Variants in RASL10A observed in about 807,000 individuals in gnomAD.
The protein encoded by RASL10A is ras-like protein family member 10A.
Under a neutral mutation model 17.3 loss-of-function variants are expected in RASL10A, and 13 were observed. That is an observed-to-expected ratio of 0.75 (90% CI 0.49 to 1.20). RASL10A has a LOEUF of 1.20. RASL10A is among the 50% of genes most tolerant of loss of function. The pLI, the probability that RASL10A is intolerant of heterozygous loss-of-function variation, is 0.00. For missense variants in RASL10A, 307 were observed against 310.3 expected (o/e 0.99, Z 0.08); for synonymous variants, 159 against 142.2 (o/e 1.12, Z -0.84).
chr22:29,313,130 A>T lies in RASL10A; in HGVS notation c.*171T>A. 1.1e-6 allele frequency: 1 copy of T among 879,922 alleles called. No homozygotes were observed. Among genetic ancestry groups the T allele is most frequent in the Non-Finnish European group, 1.6e-6 (1 of 625,878 alleles). The allele number at this position is 879,922 out of a possible 1,614,324, so 54.5% of individuals were successfully genotyped here. On this transcript the variant is annotated 3_prime_UTR_variant, in exon 3 of 3. Coordinates refer to ENST00000216101, the MANE Select transcript of RASL10A (RefSeq NM_006477.5). ...GCTTGGGACCTGGTTGGGTCCAATG[A>T]GGTTCAAAAGGGGGCCAGTCGCTTA...
In RASL10A at chr22:29,313,461, C is replaced by T. The variant is rs999425665; in HGVS notation, c.452G>A (p.Gly151Asp). 2 of 1,545,400 alleles carry T rather than the reference C, an allele frequency of 1.3e-6. No individual in the cohort carries two copies. Among genetic ancestry groups the T allele is most frequent in the Non-Finnish European group, 1.7e-6 (2 of 1,150,938 alleles). ...GCACTCGAGGTAGCCGCAGCGCCAG[C>T]CCCTGCGCACTAGGGCGGCCAGCGC... ...RRALAALVRR[G>D]WRCGYLECSA... is the part of the protein sequence containing the mutation. Residue 151 changes from glycine to aspartate, a missense_variant, in exon 3 of 3, where the codon GGC becomes GAC. Coordinates refer to ENST00000216101, the MANE Select transcript of RASL10A (RefSeq NM_006477.5).
chr22:29,314,033 TC>T, intron 1 of RASL10A, 46 bp from the exon 2 acceptor site: 1 of 1,605,126 alleles, frequency 6.2e-7, no homozygotes, highest in Non-Finnish European at 8.5e-7. Flanking sequence ...TTTCCACTCT[TC>T]CGCTCTCGAA....
At position 29,313,334 on chromosome 22, in the gene RASL10A, C is replaced by T. The variant is rs778414358; in HGVS notation, c.579G>A (p.Gly193=). The stretch of plus-strand genomic sequence containing the variant: ...GGCTGCAGCGCGCGGGATGCAGCGC[C>T]CCCTGCAGGCGCAGGGCCGGGTGTG... ...RPAHPALRLQ[G]ALHPARCSLM is the part of the protein sequence containing the mutation. Residue 193 remains glycine (G), a synonymous_variant, in exon 3 of 3, where the codon GGG becomes GGA. Coordinates refer to ENST00000216101, the MANE Select transcript of RASL10A (RefSeq NM_006477.5). 5.2e-6 allele frequency: 8 copies of T among 1,534,318 alleles called. No homozygotes were observed. The highest frequency in any genetic ancestry group is 1.4e-5 in the African/African-American group (1 of 72,482).
chr22:29,318,612 G>A (rs1010799372), upstream of RASL10A, among the ~76,000 whole-genome samples: 5 of 152,308 alleles, frequency 3.3e-5, no homozygotes, highest in East Asian at 1.9e-4. Flanking sequence ...AGGCTGGGGG[G>A]CTGAAGCTGC....
chr22:29,316,298 G>A (rs1440761134), upstream of RASL10A, among the ~76,000 whole-genome samples: 2 of 152,188 alleles, frequency 1.3e-5, no homozygotes, highest in African/African-American at 4.8e-5. Flanking sequence ...TCCTGCCCAC[G>A]GGGGTAAATG....
chr22:29,314,884 G>T (rs151207001), intron 1 of RASL10A, 144 bp downstream of exon 1: 2 of 704,934 alleles, frequency 2.8e-6, no homozygotes, highest in South Asian at 2.4e-5. Flanking sequence ...GGGCTGAAAC[G>T]CAAGTATCCC....
intron 2 of RASL10A, 24 bp downstream of exon 2, chr22:29,313,839 C>T (rs2061436393): frequency 1.9e-6 from 3 of 1,611,494 alleles, no homozygotes; most frequent in Non-Finnish European, 2.5e-6. Context: ...TAGCTCCCCA[C>T]CGCCAGAACT....
At chr22:29,319,715 A>G (rs2061467236), upstream of RASL10A, 1 of 152,284 alleles carries the variant, frequency 6.6e-6, no homozygotes, top group Non-Finnish European at 1.5e-5. Context: ...GGCTGGGTGC[A>G]GTGGCTCACG....
upstream of RASL10A, among the ~76,000 whole-genome samples, chr22:29,317,620 A>G (rs2061460019): frequency 6.6e-6 from 1 of 152,186 alleles, no homozygotes; most frequent in South Asian, 2.1e-4. Flanking sequence ...CAAGGAGTAA[A>G]TAACAAGGCA....
At position 29,313,567 on chromosome 22, in the gene RASL10A, G is replaced by C. The variant is rs2061433739; in HGVS notation, c.346C>G (p.Pro116Ala). 6.5e-7 allele frequency: 1 copy of C among 1,532,528 alleles called. No individual in the cohort carries two copies. Among genetic ancestry groups the C allele is most frequent in the African/African-American group, 1.4e-5 (1 of 72,312 alleles). 94.9% of individuals were successfully genotyped at this position (1,532,528 alleles called of 1,614,324 possible). The change falls in exon 3 of 3, where the codon CCG (proline) becomes GCG (alanine). Residue 116 changes from proline (P) to alanine (A), a missense_variant and splice_region_variant. Pro to Ala is a conservative substitution (Grantham distance 27). Coordinates refer to ENST00000216101, the MANE Select transcript of RASL10A (RefSeq NM_006477.5). Reference sequence around the variant, plus strand: ...ATGGGCGCTTCGGGCGCGCCCGCCGGCCTGGGGGCCGAATGGAGATGAGAG... The same window carrying C: ...ATGGGCGCTTCGGGCGCGCCCGCCGCCCTGGGGGCCGAATGGAGATGAGAG... ...ALRQRIAETR[P>A]AGAPEAPILV...
upstream of RASL10A, among the ~76,000 whole-genome samples, chr22:29,318,584 G>C (rs2061463592): frequency 6.6e-6 from 1 of 152,192 alleles, no homozygotes; most frequent in African/African-American, 2.4e-5. Flanking sequence ...CCCTGTGCCA[G>C]GCTTCCTAAA....
chr22:29,313,415 G>C lies in RASL10A; in HGVS notation c.498C>G (p.His166Gln), dbSNP rs1354837363. 5.2e-6 allele frequency: 8 copies of C among 1,541,730 alleles called. No homozygotes were observed. The highest frequency in any genetic ancestry group is 7.0e-6 in the Non-Finnish European group (8 of 1,146,646). Residue 166 changes from histidine to glutamine, a missense_variant, in exon 3 of 3, where the codon CAC (histidine) becomes CAG (glutamine). His to Gln is a conservative substitution (Grantham distance 24). Coordinates refer to ENST00000216101, the MANE Select transcript of RASL10A (RefSeq NM_006477.5). The stretch of plus-strand genomic sequence containing the variant: ...GCAGCTCGCGGAAGAGACGCAGCAC[G>C]TGCCAGTTGTACTTGGCGGAGCACT... ...YLECSAKYNWHVLRLFRELLR... is the reference protein window; with the variant it reads ...YLECSAKYNWQVLRLFRELLR...
chr22:29,313,491 C>A lies in RASL10A; in HGVS notation c.422G>T (p.Arg141Leu). 6.4e-7 allele frequency: 1 copy of A among 1,560,218 alleles called. No homozygotes were observed. The change falls in exon 3 of 3, where the codon CGG becomes CTG. Residue 141 changes from arginine (R) to leucine (L), a missense_variant. Transcript: ENST00000216101. ...RDRQRLRFGP[R>L]RALAALVRRG... is the part of the protein sequence containing the mutation. ...GCGCACTAGGGCGGCCAGCGCGCGC[C>A]GCGGTCCGAAGCGCAGCCGCTGCCT... is the stretch of plus-strand genomic sequence containing the variant.
At chr22:29,314,784 G>A (rs2061442994) in intron 1 of RASL10A, among the ~76,000 whole-genome samples, 2 of 152,060 alleles carry the variant, frequency 1.3e-5, no homozygotes, top group South Asian at 4.1e-4. Flanking sequence ...GGCAGGCAAA[G>A]GTGGAGGCGC....
rs1167201248 is a variant in RASL10A, at chr22:29,315,002, C to A, written c.219+26G>T. The stretch of plus-strand genomic sequence containing the variant: ...CGCACACCCCTCACACTGTCACACG[C>A]CCCTGCCCGCTCCTCGAGCCGCTAC... On this transcript the variant is annotated intron_variant, in intron 1 of 2. Transcript: ENST00000216101. The surrounding 1 kb of genome is among the most constrained non-coding windows in gnomAD (Gnocchi z 5.5). 4 of 1,473,804 alleles carry A rather than the reference C, an allele frequency of 2.7e-6. No individual in the cohort carries two copies. In the African/African-American group the frequency reaches 4.4e-5, roughly 16 times the overall value. The allele number at this position is 1,473,804 out of a possible 1,614,324, so 91.3% of individuals were successfully genotyped here. A position where few individuals can be genotyped will look rare whatever the true frequency, so the allele number is the denominator to read the frequency against.
At chr22:29,314,790 G>A (rs1322917886) in intron 1 of RASL10A, among the ~76,000 whole-genome samples, 1 of 152,138 alleles carries the variant, frequency 6.6e-6, no homozygotes, top group South Asian at 2.1e-4. Flanking sequence ...CAAAGGTGGA[G>A]GCGCTCACAG....
At chr22:29,317,947 A>G (rs539161210), upstream of RASL10A, among the ~76,000 whole-genome samples, 46 of 152,148 alleles carry the variant, frequency 3.0e-4, no homozygotes, top group African/African-American at 1.1e-3. Flanking sequence ...CAGCCTCCCA[A>G]AGTGCTGGGG....
upstream of RASL10A, among the ~76,000 whole-genome samples, chr22:29,317,927 C>T (rs1373125600): frequency 1.3e-5 from 2 of 152,076 alleles, no homozygotes; most frequent in Non-Finnish European, 2.9e-5. Context: ...CTCAGGTGAT[C>T]CACCCGCCTC....
chr22:29,316,843 GA>G (rs111695114), upstream of RASL10A: 533 of 143,474 alleles, frequency 3.7e-3, 3 homozygotes, highest in South Asian at 0.017. Flanking sequence ...CAGAAAACAG[GA>G]AAAAAAAAAA....
Sources: gnomAD v4.1 joint callset for allele counts (sites outside exome capture counted in the v4.1 genomes callset) on GRCh38, gnomAD v4.1.1 for gene constraint, Gnocchi (gnomAD v3.1) non-coding constraint, MANE v1.5 for transcripts, NCBI Gene and HGNC (gene_info 2026-07-23, HGNC 2026-07-21) for gene names.